The following CCDC102B variants were observed in gnomAD, a reference collection of about 807,000 sequenced individuals.
CCDC102B encodes coiled-coil domain containing 102B, also known as coiled-coil domain-containing protein 102B.
CCDC102B carries 75 observed loss-of-function variants against 57.4 expected under a neutral mutation model. The observed-to-expected ratio is 1.31, with a 90% CI of 1.08 to 1.58. The LOEUF is 1.58. Among genes scored for constraint, CCDC102B ranks in the 40% most tolerant of loss-of-function variants. CCDC102B has a pLI of 0.00. For missense variants in CCDC102B, 636 were observed against 582.6 expected, an observed-to-expected ratio of 1.09 and a Z score of -0.94; for synonymous variants, 206 against 201.9, an observed-to-expected ratio of 1.02 and a Z score of -0.17.
At chr18:68,878,647 C>G (rs2039549315) in intron 5 of CCDC102B, among the ~76,000 whole-genome samples, 1 of 152,106 alleles carries the variant, frequency 6.6e-6, no homozygotes, top group Admixed American at 6.5e-5. Flanking sequence ...GAAAGCAGGT[C>G]CGCACCAGGT....
intron 6 of CCDC102B, among the ~76,000 whole-genome samples, chr18:69,002,740 T>G (rs2051238542): frequency 6.6e-6 from 1 of 152,196 alleles, no homozygotes; most frequent in Admixed American, 6.5e-5. Context: ...GATTTTTTTT[T>G]ATTTTTAGAA....
chr18:68,987,717 A>C (rs1961828728), intron 6 of CCDC102B, among the ~76,000 whole-genome samples: 1 of 152,192 alleles, frequency 6.6e-6, no homozygotes, highest in African/African-American at 2.4e-5. Flanking sequence ...GAATAATTCC[A>C]TCAAAAAGTG....
chr18:68,765,353 GAAAGAAAGAAAGAAAGAAAGAAAGA>G (rs2034419253), intron 2 of CCDC102B, among the ~76,000 whole-genome samples: 6 of 119,458 alleles, frequency 5.0e-5, no homozygotes, highest in African/African-American at 9.5e-5. Flanking sequence ...AAGAAAGAAA[GAAAGAAAGAAAGAAAGAAAGAAAGA>G]AAAGAAAGAA....
chr18:69,000,848 A>G (rs972485947), intron 6 of CCDC102B, among the ~76,000 whole-genome samples: 2 of 152,186 alleles, frequency 1.3e-5, no homozygotes, highest in Non-Finnish European at 2.9e-5. Flanking sequence ...ACTTTTTTAT[A>G]TATATAAATA....
intron 7 of CCDC102B, among the ~76,000 whole-genome samples, chr18:69,020,217 A>G (rs1199302959): frequency 6.6e-6 from 1 of 152,136 alleles, no homozygotes; most frequent in Non-Finnish European, 1.5e-5. Context: ...TCACAAACAA[A>G]ACTGCATAGG....
At chr18:69,027,042 C>T (rs181045171) in intron 7 of CCDC102B, among the ~76,000 whole-genome samples, 1 of 152,276 alleles carries the variant, frequency 6.6e-6, no homozygotes, top group Admixed American at 6.5e-5. Context: ...TTAAATGAGT[C>T]TTGATTATCA....
At chr18:68,894,068 T>C (rs1001552180) in intron 5 of CCDC102B, among the ~76,000 whole-genome samples, 2 of 152,064 alleles carry the variant, frequency 1.3e-5, no homozygotes, top group African/African-American at 4.8e-5. Flanking sequence ...CTTCTCCTTT[T>C]ACCTGATTTA....
At chr18:68,787,367 C>T (rs1328520573) in intron 2 of CCDC102B, among the ~76,000 whole-genome samples, 1 of 151,556 alleles carries the variant, frequency 6.6e-6, no homozygotes, top group Non-Finnish European at 1.5e-5. Flanking sequence ...AGGATTCCCT[C>T]TTTTTCTATT....
chr18:68,850,325 G>C (rs1422675765), intron 4 of CCDC102B, among the ~76,000 whole-genome samples: 1 of 152,038 alleles, frequency 6.6e-6, no homozygotes, highest in East Asian at 1.9e-4. Context: ...CTCTCATATT[G>C]AGAGTTTGGC....
chr18:68,831,795 A>C (rs1332268889), intron 1 of CCDC102B, among the ~76,000 whole-genome samples: 1 of 152,152 alleles, frequency 6.6e-6, no homozygotes, highest in Non-Finnish European at 1.5e-5. Context: ...TCACAGCTAT[A>C]GTCTTCCATT....
chr18:68,772,832 A>C (rs2034685667), intron 2 of CCDC102B, among the ~76,000 whole-genome samples: 1 of 152,104 alleles, frequency 6.6e-6, no homozygotes, highest in African/African-American at 2.4e-5. Flanking sequence ...GTGTTCAGTG[A>C]AACCCTTTTC....
chr18:68,983,588 C>T (rs540717574), intron 6 of CCDC102B, among the ~76,000 whole-genome samples: 7 of 151,966 alleles, frequency 4.6e-5, no homozygotes, highest in African/African-American at 1.7e-4. Context: ...TAACAATCCC[C>T]TATGTTCATT....
chr18:68,874,146 T>A (rs1370284237), intron 4 of CCDC102B, among the ~76,000 whole-genome samples: 2 of 149,218 alleles, frequency 1.3e-5, no homozygotes, highest in African/African-American at 4.9e-5. Flanking sequence ...TCATATATTT[T>A]ATCAGCCCAA....
At chr18:69,027,080 C>T (rs1172803463) in intron 7 of CCDC102B, among the ~76,000 whole-genome samples, 4 of 152,132 alleles carry the variant, frequency 2.6e-5, no homozygotes, top group East Asian at 1.9e-4. Flanking sequence ...TAGTATCATT[C>T]GGAGCTAATA....
intron 1 of CCDC102B, among the ~76,000 whole-genome samples, chr18:68,815,482 A>G (rs910932113): frequency 4.6e-5 from 7 of 152,336 alleles, no homozygotes; most frequent in Middle Eastern, 3.4e-3. Flanking sequence ...TAAATAAGAT[A>G]CAAGTTCTTT....
intron 1 of CCDC102B, among the ~76,000 whole-genome samples, chr18:68,812,210 C>T (rs2036292885): frequency 6.6e-6 from 1 of 151,648 alleles, no homozygotes; most frequent in Non-Finnish European, 1.5e-5. Flanking sequence ...ACCATTTCAA[C>T]AGGAAAATAT....
intron 2 of CCDC102B, chr18:68,718,273 A>G (rs2032135730): frequency 6.6e-6 from 1 of 152,236 alleles, no homozygotes; most frequent in Admixed American, 6.5e-5. Flanking sequence ...AATGTCTAAT[A>G]GTATAATAGA....
At chr18:68,920,778 A>G (rs143340930) in intron 6 of CCDC102B, among the ~76,000 whole-genome samples, 87 of 152,268 alleles carry the variant, frequency 5.7e-4, no homozygotes, top group African/African-American at 2.0e-3. Context: ...TAAAATCATG[A>G]ACTCACTCAG....
intron 6 of CCDC102B, among the ~76,000 whole-genome samples, chr18:68,903,030 A>C (rs984460229): frequency 6.6e-6 from 1 of 152,198 alleles, no homozygotes; most frequent in Non-Finnish European, 1.5e-5. Context: ...GATAAGCAAT[A>C]ATTTGTGTGC....
Sources: gnomAD v4.1 joint callset for allele counts (sites outside exome capture counted in the v4.1 genomes callset) on GRCh38, gnomAD v4.1.1 for gene constraint, MANE v1.5 for transcripts, NCBI Gene and HGNC (gene_info 2026-07-23, HGNC 2026-07-21) for gene names.